RBM26: variants seen among roughly 807,000 people sequenced by gnomAD.
RBM26 encodes the protein RNA-binding protein 26.
Under a neutral mutation model 123.6 loss-of-function variants are expected in RBM26, and 30 were observed. The ratio of observed to expected loss-of-function variants is 0.24; its 90% confidence interval spans 0.18 to 0.33. The LOEUF (loss-of-function observed/expected upper bound fraction) is 0.33, where lower values mean the gene tolerates loss of function less well. Ranked by LOEUF, RBM26 falls within the 10% of genes least tolerant of loss-of-function variation. The pLI is 1.00. For synonymous variants in RBM26, 400 were observed against 404.4 expected, an observed-to-expected ratio of 0.99 and a Z score of 0.13; for missense variants, 947 against 1,203.6, an observed-to-expected ratio of 0.79 and a Z score of 3.15.
chr13:79,324,925 T>C (rs953165473), intron 20 of RBM26, among the ~76,000 whole-genome samples: 3 of 152,168 alleles, frequency 2.0e-5, no homozygotes, highest in Non-Finnish European at 4.4e-5. Context: ...AACAACTCCT[T>C]TGTGATCCAT....
intron 20 of RBM26, among the ~76,000 whole-genome samples, chr13:79,329,620 C>T (rs1284691813): frequency 6.6e-6 from 1 of 151,866 alleles, no homozygotes; most frequent in African/African-American, 2.4e-5. Context: ...GTCTCCTGGC[C>T]AAAGATGGAA....
chr13:79,323,520 AT>A (rs755032991), intron 20 of RBM26, among the ~76,000 whole-genome samples: 12 of 151,534 alleles, frequency 7.9e-5, no homozygotes, highest in Non-Finnish European at 1.5e-4. Flanking sequence ...ACAATTTGCA[AT>A]TTTTTGAAGC....
intron 11 of RBM26, among the ~76,000 whole-genome samples, chr13:79,357,429 C>CA (rs1478646104): frequency 2.0e-5 from 3 of 151,878 alleles, no homozygotes; most frequent in African/African-American, 7.3e-5. Context: ...ACACTTTCAC[C>CA]ATATCACATA....
intron 14 of RBM26, among the ~76,000 whole-genome samples, chr13:79,347,217 T>TAG (rs1195558630): frequency 7.8e-6 from 1 of 128,998 alleles, no homozygotes; most frequent in Non-Finnish European, 1.7e-5. Context: ...TCTGTAAAAC[T>TAG]AGAACATCCA....
intron 6 of RBM26, among the ~76,000 whole-genome samples, chr13:79,367,552 A>G (rs886130609): frequency 6.6e-6 from 1 of 151,730 alleles, no homozygotes; most frequent in Non-Finnish European, 1.5e-5. Flanking sequence ...TCCCAAGGTA[A>G]CAAGTGAGTT....
Position 79,366,741 on chromosome 13 carries a change from G to A in RBM26, c.1027C>T (p.Pro343Ser). ...AQPPVVEGPP[P>S]PGLPPPPPIL... is the part of the protein sequence containing the mutation. ...GGTGGAGGTGGGGGGAGTCCAGGAG[G>A]AGGTGGTCCTTCAACAACAGGAGGC... is the stretch of plus-strand genomic sequence containing the variant. Residue 343 changes from proline to serine, a missense_variant, in exon 7 of 22, where the codon CCT becomes TCT. By Grantham distance (74) the Pro-to-Ser change is moderately conservative. Around this residue, in one of 5 missense-constraint regions of RBM26, gnomAD observed 493 missense variants for 563.1 expected, o/e 0.88. Coordinates refer to ENST00000438737, the MANE Select transcript of RBM26 (RefSeq NM_001366735.2). The A allele has an allele frequency of 6.2e-7, 1 of 1,613,822 alleles. No homozygotes were observed. The highest frequency in any genetic ancestry group is 8.5e-7 in the Non-Finnish European group (1 of 1,179,864).
chr13:79,405,505 A>G, intron 1 of RBM26, among the ~76,000 whole-genome samples, 199 bp downstream of exon 1: 1 of 151,988 alleles, frequency 6.6e-6, no homozygotes, highest in South Asian at 2.1e-4. Flanking sequence ...GCTCAGCAAT[A>G]AAATAAAGCT....
intron 13 of RBM26, 34 bp from the exon 14 acceptor site, chr13:79,353,258 C>T (rs1230092124): frequency 1.6e-6 from 2 of 1,222,132 alleles, no homozygotes; most frequent in Non-Finnish European, 1.2e-6. Flanking sequence ...TTCAGTGTTT[C>T]CCCAAACATA....
intron 3 of RBM26, among the ~76,000 whole-genome samples, chr13:79,374,101 G>T (rs189123741): frequency 6.6e-6 from 1 of 152,030 alleles, no homozygotes; most frequent in Non-Finnish European, 1.5e-5. Flanking sequence ...GGTAGTCTAC[G>T]CACAGGGTAC....
In RBM26 at chr13:79,358,265, G is replaced by A; in HGVS notation, c.1689+9C>T. 1 of 1,573,416 alleles carries A rather than the reference G, an allele frequency of 6.4e-7. No individual in the cohort carries two copies. Among genetic ancestry groups the A allele is most frequent in the Non-Finnish European group, 8.6e-7 (1 of 1,164,374 alleles). The stretch of plus-strand genomic sequence containing the variant: ...AGAAGAGATAACAAAACCATTTCAT[G>A]GCTCTTACCTGTAAGTTAACCAAGG... On this transcript the variant is annotated intron_variant, in intron 11 of 21. Coordinates refer to ENST00000438737, the MANE Select transcript of RBM26 (RefSeq NM_001366735.2).
In RBM26 at chr13:79,345,846, A is replaced by G. The variant is rs548047143; in HGVS notation, c.2059-1052T>C. ...GGACAACCTTTTCTATACAACGGTC[A>G]GCTCAAAAAAAAAAAGTATTGGGTA... On this transcript the variant is annotated intron_variant, in intron 14 of 21. Coordinates refer to ENST00000438737, the MANE Select transcript of RBM26 (RefSeq NM_001366735.2). Among the ~76,000 whole-genome samples, 11 of 152,130 alleles carry G rather than the reference A, an allele frequency of 7.2e-5. 1 individual carries two copies. The South Asian group carries it at 2.3e-3, about 32-fold the overall frequency.
intron 1 of RBM26, among the ~76,000 whole-genome samples, chr13:79,397,472 G>A (rs748807711): frequency 4.0e-5 from 6 of 151,498 alleles, no homozygotes; most frequent in Admixed American, 6.6e-5. Flanking sequence ...TCAGGAGATC[G>A]AGACCATCCT....
chr13:79,399,080 T>C lies in RBM26; in HGVS notation c.71+6624A>G, dbSNP rs114162447. Among the ~76,000 whole-genome samples, 750 of 152,284 alleles carry C rather than the reference T, an allele frequency of 4.9e-3. 7 individuals are homozygous for C. The highest frequency in any genetic ancestry group is 0.017 in the African/African-American group (717 of 41,554). On this transcript the variant is annotated intron_variant, in intron 1 of 21. Coordinates refer to ENST00000438737, the MANE Select transcript of RBM26 (RefSeq NM_001366735.2). ...TAATTTAATGTACAAGTGATGAGTG[T>C]CATGACAACTGAAACCAGTGCTGAG...
At chr13:79,397,194 A>G (rs2078645317) in intron 1 of RBM26, among the ~76,000 whole-genome samples, 1 of 152,162 alleles carries the variant, frequency 6.6e-6, no homozygotes, top group Admixed American at 6.5e-5. Context: ...AAAAAGAAAA[A>G]GAAATAAGAA....
chr13:79,319,190 G>A lies in RBM26; in HGVS notation c.*1431C>T. ...GCATCCTTAAGTTACTCCACTGGCA[G>A]AAGACTATGGTGGTGGTGGAACAAC... On this transcript the variant is annotated 3_prime_UTR_variant, in exon 22 of 22. Transcript: ENST00000438737. 3 of 984,656 alleles carry A rather than the reference G, an allele frequency of 3.0e-6. No individual in the cohort carries two copies. Among genetic ancestry groups the A allele is most frequent in the Non-Finnish European group, 3.6e-6 (3 of 829,416 alleles). The allele number at this position is 984,656 out of a possible 1,614,324, so 61.0% of individuals were successfully genotyped here.
intron 9 of RBM26, among the ~76,000 whole-genome samples, chr13:79,362,300 A>G (rs755099045): frequency 1.3e-5 from 2 of 152,120 alleles, no homozygotes; most frequent in Non-Finnish European, 2.9e-5. Context: ...TAAGCCTCCA[A>G]ATTAAATAAG....
intron 5 of RBM26, among the ~76,000 whole-genome samples, chr13:79,370,006 T>G (rs531881560): frequency 1.3e-5 from 2 of 152,254 alleles, no homozygotes; most frequent in South Asian, 4.1e-4. Flanking sequence ...CATCACAGAT[T>G]AGTTTGCATT....
intron 14 of RBM26, among the ~76,000 whole-genome samples, chr13:79,347,520 G>A (rs538007916): frequency 4.6e-5 from 7 of 152,234 alleles, no homozygotes; most frequent in African/African-American, 1.7e-4. Flanking sequence ...GGGAAGTAAC[G>A]AGCCCAACAG....
intron 11 of RBM26, among the ~76,000 whole-genome samples, chr13:79,356,759 A>C (rs941303375): frequency 6.6e-6 from 1 of 152,224 alleles, no homozygotes; most frequent in African/African-American, 2.4e-5. Context: ...TAATACAGGT[A>C]GTACACAGAC....
Sources: gnomAD v4.1 joint callset for allele counts (sites outside exome capture counted in the v4.1 genomes callset) on GRCh38, gnomAD v4.1.1 for gene constraint, gnomAD v4.1.1 regional missense constraint, MANE v1.5 for transcripts, NCBI Gene and HGNC (gene_info 2026-07-23, HGNC 2026-07-21) for gene names.